CCND3: variants seen among roughly 807,000 people sequenced by gnomAD.
The protein encoded by CCND3 is cyclin D3.
A neutral mutation model predicts 28.7 loss-of-function variants in CCND3; 9 were observed. That is an observed-to-expected ratio of 0.31 (90% confidence interval 0.19 to 0.55). The LOEUF (loss-of-function observed/expected upper bound fraction) is 0.55. Among genes scored for constraint, CCND3 ranks in the 20% least tolerant of loss-of-function variants. The pLI is 0.93. For synonymous variants in CCND3, 164 were observed against 163.9 expected (o/e 1.00, Z 0.00); for missense variants, 315 against 385.8 (o/e 0.82, Z 1.54).
chr6:42,003,030 C>T lies in CCND3; in HGVS notation c.-46+45471G>A, dbSNP rs1483260410. On this transcript the variant is annotated intron_variant, in intron 1 of 4. Coordinates refer to the CCND3 transcript ENST00000372988. ...ATACAATATTAGCTGGGTGTGGTGGCACATGCCTGTAATCCCAGCTACTTG... is the reference window on the plus strand; with the variant it reads ...ATACAATATTAGCTGGGTGTGGTGGTACATGCCTGTAATCCCAGCTACTTG... Among the ~76,000 whole-genome samples, 3 of 151,066 alleles carry T rather than the reference C, an allele frequency of 2.0e-5. No homozygotes were observed. The East Asian group carries it at 5.9e-4, about 30-fold the overall frequency.
chr6:41,984,525 T>G (rs1207565026), intron 1 of CCND3, among the ~76,000 whole-genome samples: 1 of 152,134 alleles, frequency 6.6e-6, no homozygotes, highest in Non-Finnish European at 1.5e-5. Context: ...TTTTTGTATT[T>G]TTAGTAGAGA....
upstream of CCND3, among the ~76,000 whole-genome samples, chr6:41,942,550 A>G (rs928931541): frequency 3.9e-5 from 6 of 152,178 alleles, no homozygotes; most frequent in African/African-American, 1.2e-4. Context: ...CACCTTGTTA[A>G]GTTGCTTGCC....
Position 42,036,306 on chromosome 6 carries a change from TTA to T in CCND3, c.-46+12193_-46+12194del, listed in dbSNP as rs566638387. Among the ~76,000 whole-genome samples the T allele has an allele frequency of 9.2e-5, 12 of 130,664 alleles. No homozygotes were observed. The East Asian group carries it at 9.6e-4, about 10-fold the overall frequency. The allele number at this position is 130,664 out of a possible 152,430, so 85.7% of individuals were successfully genotyped here. A position where few individuals can be genotyped will look rare whatever the true frequency, so the allele number is the denominator to read the frequency against. On this transcript the variant is annotated intron_variant, in intron 1 of 4. Coordinates refer to the CCND3 transcript ENST00000372988. ...CCATGCCTGGCCTAAAAATTATTATTTATATATATATATATATAAAATATATA... is the reference window on the plus strand; with the variant it reads ...CCATGCCTGGCCTAAAAATTATTATTTATATATATATATATAAAATATATA...
chr6:42,018,221 C>T (rs1436649106), intron 1 of CCND3, among the ~76,000 whole-genome samples: 2 of 151,824 alleles, frequency 1.3e-5, no homozygotes, highest in African/African-American at 4.8e-5. Context: ...GAGACAGAGT[C>T]TTGCTCTGTC....
intron 1 of CCND3, among the ~76,000 whole-genome samples, chr6:42,041,067 C>A (rs970312191): frequency 1.3e-5 from 2 of 152,150 alleles, no homozygotes; most frequent in Non-Finnish European, 2.9e-5. Flanking sequence ...ATCTTGAGTG[C>A]CATGTGTCTG....
chr6:42,017,583 T>C (rs762441772), intron 1 of CCND3, among the ~76,000 whole-genome samples: 1 of 152,154 alleles, frequency 6.6e-6, no homozygotes, highest in Non-Finnish European at 1.5e-5. Flanking sequence ...TGCCATGTAT[T>C]GCACTAAGTG....
upstream of CCND3, among the ~76,000 whole-genome samples, chr6:41,942,326 C>T (rs3218086): frequency 0.18 from 27,629 of 152,126 alleles, 2,977 homozygotes; most frequent in East Asian, 0.39. Flanking sequence ...GCTGCAGATT[C>T]TGTGTTCTAC....
upstream of CCND3, among the ~76,000 whole-genome samples, chr6:41,943,299 C>T (rs1301764299): frequency 6.6e-6 from 1 of 152,076 alleles, no homozygotes; most frequent in Non-Finnish European, 1.5e-5. Context: ...CATGAAATAA[C>T]CCTTTAATAT....
intron 1 of CCND3, among the ~76,000 whole-genome samples, chr6:41,969,316 A>G (rs1017707677): frequency 2.0e-5 from 3 of 151,894 alleles, no homozygotes; most frequent in African/African-American, 7.3e-5. Flanking sequence ...GATTGAGACC[A>G]TCCTGGCCAA....
intron 1 of CCND3, among the ~76,000 whole-genome samples, chr6:42,039,470 G>A (rs1240827985): frequency 2.0e-5 from 3 of 152,184 alleles, no homozygotes; most frequent in Non-Finnish European, 4.4e-5. Flanking sequence ...GCTGGGTGAA[G>A]GTCTCAGGTG....
chr6:41,950,706 T>C (rs1246023230), intron 1 of CCND3, among the ~76,000 whole-genome samples: 1 of 143,846 alleles, frequency 7.0e-6, no homozygotes, highest in African/African-American at 2.4e-5. Context: ...GACTCCCTTT[T>C]TTTTTTCTTT....
intron 1 of CCND3, among the ~76,000 whole-genome samples, chr6:42,014,052 C>A (rs1232237417): frequency 7.6e-6 from 1 of 130,960 alleles, no homozygotes; most frequent in Non-Finnish European, 1.6e-5. Flanking sequence ...AGCCTGACAA[C>A]AGAGGGAGAC....
chr6:41,940,789 C>T (rs961135845), intron 1 of CCND3: 78 of 864,186 alleles, frequency 9.0e-5, no homozygotes, highest in Admixed American at 1.1e-4. Context: ...CTCCTCCCCT[C>T]TCCCCTTGAC....
chr6:42,048,647 C>A lies in CCND3; in HGVS notation c.-192G>T, dbSNP rs1211486564. ...TGCACCTCTCCCCCCCGGCCGGCAT[C>A]CGAACAGAGCCAGTCTCCACCCCTG... On this transcript the variant is annotated 5_prime_UTR_variant, in exon 1 of 5. Transcript: ENST00000372988. This position sits in a 1 kb window ranked among gnomAD's most constrained non-coding sequence, Gnocchi z 4.7. 1.9e-6 allele frequency: 1 copy of A among 518,446 alleles called. No individual in the cohort carries two copies. Among genetic ancestry groups the A allele is most frequent in the East Asian group, 5.5e-5 (1 of 18,346 alleles). The allele number at this position is 518,446 out of a possible 1,614,324, so 32.1% of individuals were successfully genotyped here. A position where few individuals can be genotyped will look rare whatever the true frequency, so the allele number is the denominator to read the frequency against.
intron 1 of CCND3, among the ~76,000 whole-genome samples, chr6:41,981,005 G>A (rs4714526): frequency 0.99 from 150,790 of 152,236 alleles, 74,690 homozygotes; most frequent in Middle Eastern, 1. Context: ...CTTTCTTTCA[G>A]CATTGTACTG....
rs1380129283 is a variant in CCND3 at position 41,935,885 on chromosome 6, G to A, written c.*55C>T. The A allele has an allele frequency of 4.6e-6, 7 of 1,505,954 alleles. No individual in the cohort carries two copies. Among genetic ancestry groups the A allele is most frequent in the Admixed American group, 1.9e-5 (1 of 51,858 alleles). The allele number at this position is 1,505,954 out of a possible 1,614,324, so 93.3% of individuals were successfully genotyped here. On this transcript the variant is annotated 3_prime_UTR_variant, in exon 5 of 5. Transcript: ENST00000372991. ...GTGTGGTTCCTGGAGGCAGGGAGGTGGGTGGCAGCGGCCCCTCCTCTGCTT... is the reference window on the plus strand; with the variant it reads ...GTGTGGTTCCTGGAGGCAGGGAGGTAGGTGGCAGCGGCCCCTCCTCTGCTT...
intron 1 of CCND3, among the ~76,000 whole-genome samples, chr6:41,956,190 G>A (rs1776431790): frequency 1.3e-5 from 2 of 152,170 alleles, no homozygotes; most frequent in Admixed American, 1.3e-4. Flanking sequence ...TACTTGGGAA[G>A]TTGAGGCAGG....
At chr6:41,985,087 C>T (rs1408960632) in intron 1 of CCND3, among the ~76,000 whole-genome samples, 1 of 152,060 alleles carries the variant, frequency 6.6e-6, no homozygotes, top group East Asian at 1.9e-4. Flanking sequence ...AATATTTTCT[C>T]ACATTCTGTA....
intron 1 of CCND3, among the ~76,000 whole-genome samples, chr6:42,007,991 A>G: frequency 6.6e-6 from 1 of 151,102 alleles, no homozygotes; most frequent in Non-Finnish European, 1.5e-5. Context: ...CTGGCGGGGG[A>G]GCTGGGGGCT....
Sources: allele counts gnomAD v4.1 joint callset (sites outside exome capture counted in the v4.1 genomes callset), GRCh38; gene constraint gnomAD v4.1.1; non-coding constraint Gnocchi (gnomAD v3.1); transcripts MANE v1.5; gene names NCBI Gene and HGNC (gene_info 2026-07-23, HGNC 2026-07-21).